Variants in TMBIM6 observed in about 807,000 individuals in gnomAD.
The protein encoded by TMBIM6 is transmembrane BAX inhibitor motif containing 6, also known as bax inhibitor 1.
A neutral mutation model predicts 31.4 loss-of-function variants in TMBIM6; 13 were observed. The ratio of observed to expected loss-of-function variants is 0.41; its 90% confidence interval spans 0.27 to 0.66. The LOEUF is 0.66. Among genes scored for constraint, TMBIM6 ranks in the 30% least tolerant of loss-of-function variants. TMBIM6 has a pLI of 0.28. For missense variants in TMBIM6, 275 were observed against 289.5 expected, an observed-to-expected ratio of 0.95 and a Z score of 0.36; for synonymous variants, 85 against 101.7, an observed-to-expected ratio of 0.84 and a Z score of 0.99.
At chr12:49,760,468 G>T (rs1419205329) in intron 8 of TMBIM6, among the ~76,000 whole-genome samples, 1 of 150,970 alleles carries the variant, frequency 6.6e-6, no homozygotes, top group Non-Finnish European at 1.5e-5. Context: ...TTGGTCTCAA[G>T]CAGTCCTCTT....
intron 4 of TMBIM6, among the ~76,000 whole-genome samples, chr12:49,756,730 T>C (rs1945604361): frequency 6.8e-6 from 1 of 147,204 alleles, no homozygotes; most frequent in African/African-American, 2.6e-5. Context: ...CAGCGCTTTT[T>C]TTTGTTTTTT....
rs945865686 is a variant in TMBIM6 at position 49,757,279 on chromosome 12, T to C, written c.287-948T>C. On this transcript the variant is annotated intron_variant, in intron 4 of 9. Transcript: ENST00000267115. ...CTTTTGTGTCCAAAAATAGCCATTG[T>C]GTACTTGAATGAATGAGGTTCAAGA... is the stretch of plus-strand genomic sequence containing the variant. Among the ~76,000 whole-genome samples, 3 of 152,358 alleles carry C rather than the reference T, an allele frequency of 2.0e-5. No individual in the cohort carries two copies. The East Asian group carries it at 5.8e-4, about 29-fold the overall frequency.
intron 1 of TMBIM6, among the ~76,000 whole-genome samples, chr12:49,743,015 C>T (rs572015164): frequency 3.2e-5 from 4 of 126,860 alleles, no homozygotes; most frequent in African/African-American, 1.2e-4. Flanking sequence ...GAGGCAGAGT[C>T]TCACTGTCGC....
chr12:49,752,414 T>G, intron 1 of TMBIM6, 50 bp from the exon 2 acceptor site: 1 of 1,319,228 alleles, frequency 7.6e-7, no homozygotes, highest in Non-Finnish European at 1.0e-6. Context: ...TATAAGCTGT[T>G]CGTGTGATTC....
At chr12:49,759,422 T>C in intron 8 of TMBIM6, 101 bp downstream of exon 8, 1 of 923,366 alleles carries the variant, frequency 1.1e-6, no homozygotes, top group South Asian at 1.4e-5. Context: ...GGCCAAGCTT[T>C]GGGAGTGTAT....
At chr12:49,746,078 C>G (rs1027710517) in intron 1 of TMBIM6, among the ~76,000 whole-genome samples, 2 of 150,154 alleles carry the variant, frequency 1.3e-5, no homozygotes, top group Admixed American at 6.6e-5. Flanking sequence ...TTTCTTTTCT[C>G]TCTTTTTTTT....
chr12:49,762,183 A>G (rs552241433), intron 9 of TMBIM6: 4 of 173,100 alleles, frequency 2.3e-5, no homozygotes, highest in African/African-American at 7.2e-5. Context: ...TGAGTATCTA[A>G]CGTAGTTGAG....
Position 49,763,739 on chromosome 12 carries a change from C to T in TMBIM6, c.*843C>T, listed in dbSNP as rs1049875303. 6.6e-6 allele frequency: 1 copy of T among 152,170 alleles called. No homozygotes were observed. The highest frequency in any genetic ancestry group is 1.5e-5 in the Non-Finnish European group (1 of 68,066). 9.4% of individuals were successfully genotyped at this position (152,170 alleles called of 1,614,324 possible). A position where few individuals can be genotyped will look rare whatever the true frequency, so the allele number is the denominator to read the frequency against. ...CTACTAGGTGGCTGTGATTAAATGTCCCAAGCAAGGATAGGGAAGGGGAAT... is the reference window on the plus strand; with the variant it reads ...CTACTAGGTGGCTGTGATTAAATGTTCCAAGCAAGGATAGGGAAGGGGAAT... On this transcript the variant is annotated 3_prime_UTR_variant, in exon 10 of 10. Coordinates refer to ENST00000267115, the MANE Select transcript of TMBIM6 (RefSeq NM_003217.3).
In TMBIM6 at chr12:49,745,556, A is replaced by G. The variant is rs565803533; in HGVS notation, c.-31+3945A>G. 7.9e-5 allele frequency among the ~76,000 whole-genome samples: 12 copies of G among 152,042 alleles called. No homozygotes were observed. In the South Asian group the frequency reaches 2.3e-3, roughly 29 times the overall value. On this transcript the variant is annotated intron_variant, in intron 1 of 9. Transcript: ENST00000267115. ...CCTGGCCAACATGGCAAAACCCTGT[A>G]TCTACTTAAAATACAAAAATTAGCT...
intron 8 of TMBIM6, among the ~76,000 whole-genome samples, chr12:49,760,111 C>CAAAA (rs796352103): frequency 1.2e-5 from 1 of 83,510 alleles, no homozygotes; most frequent in African/African-American, 3.7e-5. Context: ...GACTCCTTCT[C>CAAAA]AAAAAAAAAA....
intron 1 of TMBIM6, among the ~76,000 whole-genome samples, chr12:49,746,809 A>AG (rs1401087675): frequency 5.8e-4 from 89 of 152,232 alleles, no homozygotes; most frequent in African/African-American, 2.0e-3. Context: ...CTACTGACAA[A>AG]TTACTAACAG....
At chr12:49,749,912 T>A (rs1945464906) in intron 1 of TMBIM6, 1 of 152,242 alleles carries the variant, frequency 6.6e-6, no homozygotes, top group Non-Finnish European at 1.5e-5. Context: ...ATAAAGCTAA[T>A]AAAATTGCTG....
intron 1 of TMBIM6, among the ~76,000 whole-genome samples, chr12:49,750,053 G>T (rs935122349): frequency 2.0e-5 from 3 of 152,158 alleles, no homozygotes; most frequent in Non-Finnish European, 4.4e-5. Context: ...AAATCAAAGT[G>T]AAATTGCCGT....
intron 4 of TMBIM6, among the ~76,000 whole-genome samples, chr12:49,757,208 TCCC>T (rs1222310653): frequency 1.3e-5 from 2 of 152,322 alleles, no homozygotes; most frequent in Admixed American, 6.5e-5. Flanking sequence ...TCATTTTGTT[TCCC>T]CATCCATTAG....
chr12:49,752,965 T>C lies in TMBIM6; in HGVS notation c.57-8T>C. ...GACTGATTGCTCTTATTCACATTCT[T>C]TTCTTAGAACCCCGTCAACGCAGCA... On this transcript the variant is annotated splice_polypyrimidine_tract_variant and splice_region_variant and intron_variant, in intron 2 of 9. Transcript: ENST00000267115. 6.2e-7 allele frequency: 1 copy of C among 1,612,956 alleles called. No homozygotes were observed. Among genetic ancestry groups the C allele is most frequent in the South Asian group, 1.1e-5 (1 of 90,854 alleles).
intron 1 of TMBIM6, among the ~76,000 whole-genome samples, chr12:49,747,255 T>C (rs779448678): frequency 6.6e-6 from 1 of 152,200 alleles, no homozygotes; most frequent in Non-Finnish European, 1.5e-5. Context: ...GAAAGAACCA[T>C]GTAATTGACA....
chr12:49,761,140 T>C (rs192264360), intron 8 of TMBIM6, among the ~76,000 whole-genome samples: 25 of 151,692 alleles, frequency 1.6e-4, no homozygotes, highest in Non-Finnish European at 2.7e-4. Context: ...TCGGCACTTT[T>C]TTTTTAATGT....
chr12:49,760,483 TG>T (rs1233354479), intron 8 of TMBIM6, among the ~76,000 whole-genome samples: 1 of 150,940 alleles, frequency 6.6e-6, no homozygotes, highest in African/African-American at 2.4e-5. Flanking sequence ...CCTCTTGCCT[TG>T]GTTTCCCAAA....
chr12:49,742,459 C>T (rs1945315223), intron 1 of TMBIM6: 3 of 850,904 alleles, frequency 3.5e-6, no homozygotes, highest in Non-Finnish European at 3.3e-6. Context: ...GGTGCCAGCC[C>T]GGGCTGCTTG....
Sources: allele counts gnomAD v4.1 joint callset (sites outside exome capture counted in the v4.1 genomes callset), GRCh38; gene constraint gnomAD v4.1.1; transcripts MANE v1.5; gene names NCBI Gene and HGNC (gene_info 2026-07-23, HGNC 2026-07-21).